The following GSG1L variants were observed in gnomAD, a reference collection of about 807,000 sequenced individuals.
GSG1L encodes the protein germ cell-specific gene 1-like protein.
In GSG1L, 24 loss-of-function variants were observed where a neutral mutation model predicts 42.1. The observed-to-expected ratio is 0.57, with a 90% CI of 0.41 to 0.80. The LOEUF (loss-of-function observed/expected upper bound fraction) is 0.80, where lower values mean the gene tolerates loss of function less well. GSG1L is among the 30% of genes least tolerant of loss of function. GSG1L has a pLI of 0.00. For synonymous variants in GSG1L, 215 were observed against 203.5 expected (o/e 1.06, Z -0.48); for missense variants, 445 against 472.2 (o/e 0.94, Z 0.53).
At chr16:27,791,502 A>C (rs770955515) in intron 6 of GSG1L, 35 bp from the exon 7 acceptor site, 2 of 1,378,612 alleles carry the variant, frequency 1.5e-6, no homozygotes, top group Middle Eastern at 2.0e-4. Context: ...GCTGAAAGCC[A>C]CCTTCCTCCA....
At chr16:27,795,750 G>T (rs1382528454) in intron 6 of GSG1L, among the ~76,000 whole-genome samples, 2 of 152,162 alleles carry the variant, frequency 1.3e-5, no homozygotes, top group East Asian at 3.8e-4. Context: ...GACCACAGGA[G>T]GTTCCCCAAA....
intron 6 of GSG1L, among the ~76,000 whole-genome samples, chr16:27,801,530 G>A (rs1243562450): frequency 4.6e-5 from 7 of 152,134 alleles, no homozygotes; most frequent in Non-Finnish European, 7.3e-5. Flanking sequence ...TGCAAAACTC[G>A]TCCAGGCATT....
chr16:27,884,446 G>A lies in GSG1L; in HGVS notation c.550+40C>T, dbSNP rs779372096. On this transcript the variant is annotated intron_variant, in intron 3 of 6. Transcript: ENST00000447459. The surrounding 1 kb of genome is among the most constrained non-coding windows in gnomAD (Gnocchi z 4.4). Reference sequence around the variant, plus strand: ...TACTCCAAGGGCAGCACCCTTTCTCGCCTGTGCTCTGAGAGGCCACAGGAC... The same window carrying A: ...TACTCCAAGGGCAGCACCCTTTCTCACCTGTGCTCTGAGAGGCCACAGGAC... 11 of 1,583,542 alleles carry A rather than the reference G, an allele frequency of 6.9e-6. No homozygotes were observed. Among genetic ancestry groups the A allele is most frequent in the Admixed American group, 3.4e-5 (2 of 58,138 alleles).
intron 1 of GSG1L, among the ~76,000 whole-genome samples, chr16:27,987,152 G>A (rs540949410): frequency 6.6e-6 from 1 of 151,814 alleles, no homozygotes; most frequent in Non-Finnish European, 1.5e-5. Flanking sequence ...GGGAGGCAGA[G>A]GTTGCAGTGA....
chr16:27,969,621 G>C (rs2085170736), intron 1 of GSG1L, among the ~76,000 whole-genome samples: 1 of 152,126 alleles, frequency 6.6e-6, no homozygotes, highest in African/African-American at 2.4e-5. Context: ...CCATTCATCA[G>C]ATAATAGATA....
chr16:27,868,032 A>G (rs1462766252), intron 3 of GSG1L, among the ~76,000 whole-genome samples: 2 of 152,232 alleles, frequency 1.3e-5, no homozygotes, highest in Non-Finnish European at 2.9e-5. Flanking sequence ...TCCAATTTTT[A>G]TTGAACTTAT....
At chr16:27,912,372 C>G (rs752132492) in intron 2 of GSG1L, among the ~76,000 whole-genome samples, 1 of 152,064 alleles carries the variant, frequency 6.6e-6, no homozygotes, top group Non-Finnish European at 1.5e-5. Flanking sequence ...TTTTAATTAG[C>G]CAGGCATGGT....
intron 6 of GSG1L, among the ~76,000 whole-genome samples, chr16:27,797,906 C>G (rs1446719613): frequency 6.6e-6 from 1 of 150,938 alleles, no homozygotes; most frequent in Admixed American, 6.6e-5. Context: ...GAGGCCAGCT[C>G]TTAAGTGAAA....
rs1567506057 is a variant in GSG1L, at chr16:27,888,531, CTTTCTTTCTTTCTTTCTTTCTT to C, written c.398-3915_398-3894del. On this transcript the variant is annotated intron_variant, in intron 2 of 6. Coordinates refer to ENST00000447459, the MANE Select transcript of GSG1L (RefSeq NM_001109763.2). ...TCTTTCTTTCTTTCTTTCTTTCTTT[CTTTCTTTCTTTCTTTCTTTCTT>C]TCTTTCTTTCTTTCTTTCTTTCTTT... Among the ~76,000 whole-genome samples the C allele has an allele frequency of 2.4e-4, 6 of 24,570 alleles. 2 individuals carry two copies. The highest frequency in any genetic ancestry group is 1.6e-3 in the Admixed American group (2 of 1,280). 16.1% of individuals were successfully genotyped at this position (24,570 alleles called of 152,430 possible).
At chr16:27,845,341 A>G (rs961286037) in intron 3 of GSG1L, among the ~76,000 whole-genome samples, 1 of 152,144 alleles carries the variant, frequency 6.6e-6, no homozygotes, top group African/African-American at 2.4e-5. Context: ...TGATCCTTCC[A>G]TCTCAGCCTC....
chr16:28,032,705 C>G (rs985671542), intron 1 of GSG1L, among the ~76,000 whole-genome samples: 1 of 152,192 alleles, frequency 6.6e-6, no homozygotes, highest in Non-Finnish European at 1.5e-5. Context: ...GTAATGGGCA[C>G]AACCATCTCT....
chr16:27,793,871 G>C (rs753656250), intron 6 of GSG1L, among the ~76,000 whole-genome samples: 1 of 152,190 alleles, frequency 6.6e-6, no homozygotes, highest in Non-Finnish European at 1.5e-5. Flanking sequence ...TCTCTCCCAG[G>C]CCTTGTGCTG....
rs1335921662 is a variant in GSG1L, at chr16:27,869,562, CCT to C, written c.550+14922_550+14923del. On this transcript the variant is annotated intron_variant, in intron 3 of 6. Transcript: ENST00000447459. Reference sequence around the variant, plus strand: ...TCTCTGTCTCCCTTCATCTCTCTCTCCTCTCTGTCTCCCTCACTCCCTCTCCT... The same window carrying C: ...TCTCTGTCTCCCTTCATCTCTCTCTCCTCTGTCTCCCTCACTCCCTCTCCT... Among the ~76,000 whole-genome samples, 75 of 138,490 alleles carry C rather than the reference CCT, an allele frequency of 5.4e-4. 1 individual carries two copies. Among genetic ancestry groups the C allele is most frequent in the African/African-American group, 2.0e-3 (70 of 35,632 alleles). 90.9% of individuals were successfully genotyped at this position (138,490 alleles called of 152,430 possible).
At chr16:27,987,381 G>A (rs2141131218) in intron 1 of GSG1L, among the ~76,000 whole-genome samples, 1 of 152,278 alleles carries the variant, frequency 6.6e-6, no homozygotes, top group South Asian at 2.1e-4. Flanking sequence ...TGTTGCTTCT[G>A]TCTGTGAATT....
intron 1 of GSG1L, among the ~76,000 whole-genome samples, chr16:28,025,387 G>C (rs935328293): frequency 6.6e-6 from 1 of 152,168 alleles, no homozygotes; most frequent in Non-Finnish European, 1.5e-5. Flanking sequence ...GCAGACATAA[G>C]GGGGACATGC....
At chr16:27,988,986 G>A (rs2085422820) in intron 1 of GSG1L, among the ~76,000 whole-genome samples, 1 of 148,442 alleles carries the variant, frequency 6.7e-6, no homozygotes. Context: ...CCGGGAGGCG[G>A]ATGTTGCAGT....
intron 3 of GSG1L, among the ~76,000 whole-genome samples, chr16:27,870,977 T>C (rs913918979): frequency 2.0e-5 from 3 of 148,714 alleles, no homozygotes; most frequent in Admixed American, 2.0e-4. Flanking sequence ...ACCCTGACCT[T>C]GTCACTCCTT....
At chr16:27,935,922 C>A (rs2084710930) in intron 2 of GSG1L, among the ~76,000 whole-genome samples, 2 of 148,848 alleles carry the variant, frequency 1.3e-5, no homozygotes, top group African/African-American at 5.0e-5. Context: ...ATGATGCTGC[C>A]TGGTGAACCC....
chr16:27,927,567 C>T (rs1461101054), intron 2 of GSG1L, among the ~76,000 whole-genome samples: 1 of 152,120 alleles, frequency 6.6e-6, no homozygotes, highest in African/African-American at 2.4e-5. Flanking sequence ...ACCCCTCATG[C>T]CATTCTCCTC....
Sources: gnomAD v4.1 joint callset for allele counts (sites outside exome capture counted in the v4.1 genomes callset) on GRCh38, gnomAD v4.1.1 for gene constraint, Gnocchi (gnomAD v3.1) non-coding constraint, MANE v1.5 for transcripts, NCBI Gene and HGNC (gene_info 2026-07-23, HGNC 2026-07-21) for gene names.